CACNA2D4: variants seen among roughly 807,000 people sequenced by gnomAD.
CACNA2D4 encodes the protein voltage-dependent calcium channel subunit alpha-2/delta-4.
Under a neutral mutation model 163.8 loss-of-function variants are expected in CACNA2D4, and 157 were observed. The ratio of observed to expected loss-of-function variants is 0.96; its 90% confidence interval spans 0.84 to 1.09. The LOEUF (loss-of-function observed/expected upper bound fraction) is 1.09, where lower values mean the gene tolerates loss of function less well. Among genes scored for constraint, CACNA2D4 ranks in the 50% least tolerant of loss-of-function variants. The pLI, the probability that CACNA2D4 is intolerant of heterozygous loss-of-function variation, is 0.00. For synonymous variants in CACNA2D4, 598 were observed against 586.9 expected (o/e 1.02, Z -0.27); for missense variants, 1,410 against 1,479.9 (o/e 0.95, Z 0.78).
intron 26 of CACNA2D4, among the ~76,000 whole-genome samples, chr12:1,817,564 G>A (rs1391010736): frequency 2.0e-5 from 3 of 152,148 alleles, no homozygotes; most frequent in Non-Finnish European, 2.9e-5. Context: ...CTGCCATCTC[G>A]GCTCACTGCA....
chr12:1,801,198 A>T (rs1863311807), intron 30 of CACNA2D4, 80 bp from the exon 31 acceptor site: 2 of 1,199,738 alleles, frequency 1.7e-6, no homozygotes, highest in Non-Finnish European at 2.5e-6. Context: ...TTACTAGCAG[A>T]GCATCCGTTT....
chr12:1,832,735 T>A (rs1864687294), intron 26 of CACNA2D4, among the ~76,000 whole-genome samples: 1 of 152,252 alleles, frequency 6.6e-6, no homozygotes, highest in South Asian at 2.1e-4. Flanking sequence ...TTATATAGTT[T>A]CCAGTTTACC....
In CACNA2D4 at chr12:1,844,459, C is replaced by T; in HGVS notation, c.2413G>A (p.Ala805Thr). 6.2e-7 allele frequency: 1 copy of T among 1,613,628 alleles called. No homozygotes were observed. The highest frequency in any genetic ancestry group is 8.5e-7 in the Non-Finnish European group (1 of 1,179,798). ...LDRFPLWYRQASEHPAGSFVF... is the reference protein window; with the variant it reads ...LDRFPLWYRQTSEHPAGSFVF... ...AAGCTGCCAGCAGGATGCTCTGAGG[C>T]CTGGCGGTACCACAGCGGGAAGCGG... The change falls in exon 25 of 38, where the codon GCC becomes ACC. Residue 805 changes from alanine to threonine, a missense_variant. Ala to Thr is a moderately conservative substitution (Grantham distance 58). Coordinates refer to ENST00000382722, the MANE Select transcript of CACNA2D4 (RefSeq NM_172364.5). This position sits in a 1 kb window ranked among gnomAD's most constrained non-coding sequence, Gnocchi z 4.2.
At chr12:1,817,546 C>T (rs1863917510) in intron 26 of CACNA2D4, among the ~76,000 whole-genome samples, 1 of 152,222 alleles carries the variant, frequency 6.6e-6, no homozygotes, top group Non-Finnish European at 1.5e-5. Flanking sequence ...CGAAGCTGGA[C>T]TGTACTGCTG....
rs77590983 is a variant in CACNA2D4, at chr12:1,915,946, G to C, written c.228-1011C>G. Among the ~76,000 whole-genome samples the C allele has an allele frequency of 6.9e-3, 1,054 of 152,352 alleles. 13 individuals are homozygous for C. Among genetic ancestry groups the C allele is most frequent in the African/African-American group, 0.023 (970 of 41,580 alleles). On this transcript the variant is annotated intron_variant, in intron 1 of 37. Coordinates refer to ENST00000382722, the MANE Select transcript of CACNA2D4 (RefSeq NM_172364.5). ...TTGCAGGGACAGCTTTGTCATGCGG[G>C]TAGCATAGTACATGTTTGAAGGTGC...
intron 1 of CACNA2D4, 45 bp downstream of exon 1, chr12:1,918,201 GA>G: frequency 7.0e-7 from 1 of 1,434,616 alleles, no homozygotes; most frequent in South Asian, 1.2e-5. Flanking sequence ...AAGAAAGTGG[GA>G]AAGGGTGACC....
intron 20 of CACNA2D4, among the ~76,000 whole-genome samples, chr12:1,857,145 G>C (rs964728497): frequency 6.6e-6 from 1 of 152,216 alleles, no homozygotes; most frequent in African/African-American, 2.4e-5. Context: ...AGGGATGATG[G>C]GGAACAGAGG....
intron 26 of CACNA2D4, among the ~76,000 whole-genome samples, chr12:1,819,165 A>G (rs1863995250): frequency 6.6e-6 from 1 of 152,112 alleles, no homozygotes; most frequent in Admixed American, 6.5e-5. Context: ...GGAAGGGGGA[A>G]GCCACCCATG....
At position 1,878,961 on chromosome 12, in the gene CACNA2D4, A is replaced by G; in HGVS notation, c.1639T>C (p.Tyr547His). 1 of 1,611,994 alleles carries G rather than the reference A, an allele frequency of 6.2e-7. No homozygotes were observed. The change falls in exon 15 of 38, where the codon TAC (tyrosine) becomes CAC (histidine). Residue 547 changes from tyrosine (Y) to histidine (H), a missense_variant. Coordinates refer to ENST00000382722, the MANE Select transcript of CACNA2D4 (RefSeq NM_172364.5). This position sits in a 1 kb window ranked among gnomAD's most constrained non-coding sequence, Gnocchi z 4.6. ...GGGAACAGACCCAGGCTCACCTTGT[A>G]CCGGGGCGCCAGCTTCATCAGCTCT... ...LRELMKLAPRYKLGVHGYAFL... is the reference protein window; with the variant it reads ...LRELMKLAPRHKLGVHGYAFL...
intron 25 of CACNA2D4, among the ~76,000 whole-genome samples, chr12:1,841,558 G>A (rs996555491): frequency 6.6e-6 from 1 of 152,214 alleles, no homozygotes; most frequent in Non-Finnish European, 1.5e-5. Flanking sequence ...TGGCTACTTC[G>A]GGGCCTCAGG....
rs755456043 is a variant in CACNA2D4 at position 1,834,795 on chromosome 12, T to C, written c.2551+5944A>G. The C allele has an allele frequency of 6.7e-7, 1 of 1,490,722 alleles. No individual in the cohort carries two copies. Among genetic ancestry groups the C allele is most frequent in the East Asian group, 2.3e-5 (1 of 42,982 alleles). The allele number at this position is 1,490,722 out of a possible 1,614,324, so 92.3% of individuals were successfully genotyped here. ...CATTGCTCAGCCACAGCTCCCACCT[T>C]GACCCGGCGCTGGCCACTGCCTCCC... On this transcript the variant is annotated intron_variant, in intron 26 of 37. Transcript: ENST00000382722. This position sits in a 1 kb window ranked among gnomAD's most constrained non-coding sequence, Gnocchi z 7.6.
intron 26 of CACNA2D4, among the ~76,000 whole-genome samples, chr12:1,814,844 C>T (rs1863825451): frequency 6.6e-6 from 1 of 152,130 alleles, no homozygotes; most frequent in East Asian, 1.9e-4. Context: ...CAAATCACAC[C>T]ACTCCCTGGC....
At chr12:1,800,515 C>G in intron 31 of CACNA2D4, 77 bp from the exon 32 acceptor site, 1 of 1,444,706 alleles carries the variant, frequency 6.9e-7, no homozygotes, top group Non-Finnish European at 9.7e-7. Context: ...CCAGCACCAC[C>G]CTCAGAGAGA....
At position 1,795,674 on chromosome 12, in the gene CACNA2D4, C is replaced by T. The variant is rs1173709392; in HGVS notation, c.3220G>A (p.Val1074Ile). ...CCCGAGCATTGCAGGATATATTTGACTTCTGTCGCCTCCTGCAGCACTGGT... is the reference window on the plus strand; with the variant it reads ...CCCGAGCATTGCAGGATATATTTGATTTCTGTCGCCTCCTGCAGCACTGGT... Reference protein sequence around the residue: ...FPPVLQEATEVKYNASVKCDR... With the variant: ...FPPVLQEATEIKYNASVKCDR... Residue 1074 changes from valine (V) to isoleucine (I), a missense_variant, in exon 36 of 38, where the codon GTC becomes ATC. Transcript: ENST00000382722. The T allele has an allele frequency of 5.6e-6, 9 of 1,605,394 alleles. No homozygotes were observed. In the South Asian group the frequency reaches 8.8e-5, roughly 16 times the overall value.
rs1247096170 is a variant in CACNA2D4, at chr12:1,828,567, G to C, written c.2551+12172C>G. 6.6e-6 allele frequency among the ~76,000 whole-genome samples: 1 copy of C among 152,252 alleles called. No homozygotes were observed. Among genetic ancestry groups the C allele is most frequent in the East Asian group, 1.9e-4 (1 of 5,200 alleles). ...CTGAGTCTTAAACAGCCTCACTGGT[G>C]CCTGAGCTTGTCGGCCTGTGTCACA... On this transcript the variant is annotated intron_variant, in intron 26 of 37. Transcript: ENST00000382722. The surrounding 1 kb of genome is among the most constrained non-coding windows in gnomAD (Gnocchi z 4.2).
intron 3 of CACNA2D4, among the ~76,000 whole-genome samples, chr12:1,911,055 A>G (rs1173288793): frequency 7.8e-6 from 1 of 128,902 alleles, no homozygotes; most frequent in Admixed American, 9.1e-5. Context: ...ATGGAGTCTC[A>G]CTCTGTCACC....
At chr12:1,839,103 C>G (rs1420709918) in intron 26 of CACNA2D4, among the ~76,000 whole-genome samples, 2 of 152,212 alleles carry the variant, frequency 1.3e-5, no homozygotes, top group East Asian at 1.9e-4. Flanking sequence ...CCCTGGTGCC[C>G]TCTCTGAGGC....
At chr12:1,808,147 C>T (rs907406596) in intron 29 of CACNA2D4, among the ~76,000 whole-genome samples, 5 of 152,056 alleles carry the variant, frequency 3.3e-5, no homozygotes, top group Admixed American at 6.5e-5. Flanking sequence ...GAGGGTCCCT[C>T]GAGGGACCCT....
In CACNA2D4 at chr12:1,829,042, G is replaced by A. The variant is rs1033437748; in HGVS notation, c.2551+11697C>T. The stretch of plus-strand genomic sequence containing the variant: ...AGCCTGAATTATTCACCATGTGAGA[G>A]AGGCTGGCCCCTGAGTGACTCAGAT... On this transcript the variant is annotated intron_variant, in intron 26 of 37. Transcript: ENST00000382722. This position sits in a 1 kb window ranked among gnomAD's most constrained non-coding sequence, Gnocchi z 4.2. Among the ~76,000 whole-genome samples, 3 of 152,208 alleles carry A rather than the reference G, an allele frequency of 2.0e-5. No individual in the cohort carries two copies. Among genetic ancestry groups the A allele is most frequent in the African/African-American group, 7.2e-5 (3 of 41,450 alleles).
Sources: allele counts gnomAD v4.1 joint callset (sites outside exome capture counted in the v4.1 genomes callset), GRCh38; gene constraint gnomAD v4.1.1; non-coding constraint Gnocchi (gnomAD v3.1); transcripts MANE v1.5; gene names NCBI Gene and HGNC (gene_info 2026-07-23, HGNC 2026-07-21).